Variants in MACROD2 observed in about 807,000 individuals in gnomAD.
The protein encoded by MACROD2 is ADP-ribose glycohydrolase MACROD2.
Under a neutral mutation model 70.4 loss-of-function variants are expected in MACROD2, and 36 were observed. The ratio of observed to expected loss-of-function variants is 0.51; its 90% CI spans 0.39 to 0.68. The LOEUF (loss-of-function observed/expected upper bound fraction) is 0.68. Among genes scored for constraint, MACROD2 ranks in the 30% least tolerant of loss-of-function variants. MACROD2 has a pLI of 0.00. For synonymous variants in MACROD2, 172 were observed against 178.8 expected, an observed-to-expected ratio of 0.96 and a Z score of 0.30; for missense variants, 496 against 538.4, an observed-to-expected ratio of 0.92 and a Z score of 0.78.
At chr20:15,272,518 C>G (rs543007688) in intron 6 of MACROD2, among the ~76,000 whole-genome samples, 13 of 152,148 alleles carry the variant, frequency 8.5e-5, no homozygotes, top group Non-Finnish European at 1.6e-4. Context: ...TCAGAACTGT[C>G]TTTTTTGCTA....
chr20:15,611,806 G>C (rs2048973842), intron 8 of MACROD2, among the ~76,000 whole-genome samples: 1 of 149,276 alleles, frequency 6.7e-6, no homozygotes, highest in African/African-American at 2.5e-5. Flanking sequence ...AGCAATTTAA[G>C]CCATTACTAG....
rs372905942 is a variant in MACROD2 at position 15,731,759 on chromosome 20, A to AT, written c.646-130973dup. Among the ~76,000 whole-genome samples the AT allele has an allele frequency of 1.2e-3, 57 of 49,066 alleles. 20 individuals are homozygous for AT. Among genetic ancestry groups the AT allele is most frequent in the East Asian group, 5.0e-3 (16 of 3,200 alleles). The allele number at this position is 49,066 out of a possible 152,430, so 32.2% of individuals were successfully genotyped here. A position where few individuals can be genotyped will look rare whatever the true frequency, so the allele number is the denominator to read the frequency against. On this transcript the variant is annotated intron_variant, in intron 8 of 17. Transcript: ENST00000684519. ...TTGCAGCATTCTTTTTTTTCTTTTT[A>AT]TTTTTTTTTTTTTGAGACGGAGTTT...
chr20:14,821,532 G>T (rs1421222999), intron 5 of MACROD2, among the ~76,000 whole-genome samples: 1 of 152,074 alleles, frequency 6.6e-6, no homozygotes, highest in Non-Finnish European at 1.5e-5. Flanking sequence ...TCAATGTGCA[G>T]TCAAGGCTGA....
At chr20:14,638,644 G>GT (rs1225539598) in intron 4 of MACROD2, among the ~76,000 whole-genome samples, 6 of 152,120 alleles carry the variant, frequency 3.9e-5, no homozygotes, top group African/African-American at 1.2e-4. Flanking sequence ...ACTCCATGAG[G>GT]TTGTTGTAAG....
intron 6 of MACROD2, among the ~76,000 whole-genome samples, chr20:15,371,408 T>C (rs1237032744): frequency 6.6e-6 from 1 of 152,176 alleles, no homozygotes; most frequent in African/African-American, 2.4e-5. Flanking sequence ...AAGTTAACTT[T>C]TCTCTACTTT....
intron 4 of MACROD2, chr20:14,631,805 T>C (rs1984530933): frequency 6.6e-6 from 1 of 152,098 alleles, no homozygotes; most frequent in East Asian, 1.9e-4. Context: ...AAACCAATTA[T>C]ATCTTTAAAT....
intron 5 of MACROD2, among the ~76,000 whole-genome samples, chr20:14,946,598 G>A (rs2074434592): frequency 6.6e-6 from 1 of 151,800 alleles, no homozygotes; most frequent in South Asian, 2.1e-4. Context: ...TTCACTTTAT[G>A]TTGAGATGTT....
At chr20:14,300,899 AT>A (rs1370453650) in intron 3 of MACROD2, among the ~76,000 whole-genome samples, 2 of 152,220 alleles carry the variant, frequency 1.3e-5, no homozygotes, top group Admixed American at 1.3e-4. Flanking sequence ...AAATGTATCC[AT>A]TGTTAATATT....
chr20:15,244,550 T>C (rs1307273296), intron 6 of MACROD2, among the ~76,000 whole-genome samples: 1 of 152,026 alleles, frequency 6.6e-6, no homozygotes, highest in Non-Finnish European at 1.5e-5. Context: ...CCCAGATTGC[T>C]GTTTTTTATG....
At chr20:15,666,168 A>G (rs1010003706) in intron 8 of MACROD2, among the ~76,000 whole-genome samples, 2 of 152,246 alleles carry the variant, frequency 1.3e-5, no homozygotes, top group Non-Finnish European at 2.9e-5. Context: ...CTTGACTGGA[A>G]GTTTCAGAAC....
intron 6 of MACROD2, among the ~76,000 whole-genome samples, chr20:15,306,906 T>C (rs922178932): frequency 1.3e-5 from 2 of 152,240 alleles, no homozygotes; most frequent in South Asian, 2.1e-4. Context: ...TGTCCAAGCA[T>C]GGCAACAGCA....
intron 3 of MACROD2, among the ~76,000 whole-genome samples, chr20:14,209,348 A>C (rs1477319787): frequency 1.3e-5 from 2 of 152,190 alleles, no homozygotes; most frequent in Non-Finnish European, 2.9e-5. Context: ...TTTAGGGAGA[A>C]GAGTTTCAAG....
intron 8 of MACROD2, among the ~76,000 whole-genome samples, chr20:15,727,830 G>T (rs2050887140): frequency 6.6e-6 from 1 of 152,104 alleles, no homozygotes; most frequent in Non-Finnish European, 1.5e-5. Context: ...TTTGGGCAGA[G>T]ACTATGGGGT....
chr20:15,229,019 G>A (rs1482830533), intron 5 of MACROD2, among the ~76,000 whole-genome samples: 2 of 152,124 alleles, frequency 1.3e-5, no homozygotes, highest in Non-Finnish European at 2.9e-5. Context: ...CAATGAAAGG[G>A]ACTAATAATT....
At chr20:15,461,585 A>G (rs1156387326) in intron 7 of MACROD2, among the ~76,000 whole-genome samples, 2 of 152,170 alleles carry the variant, frequency 1.3e-5, no homozygotes, top group African/African-American at 4.8e-5. Context: ...CTATTGGTTT[A>G]TTTTAATACA....
intron 8 of MACROD2, among the ~76,000 whole-genome samples, chr20:15,728,611 C>G (rs1285626664): frequency 6.6e-6 from 1 of 152,064 alleles, no homozygotes; most frequent in Non-Finnish European, 1.5e-5. Flanking sequence ...TCAGTTTCTT[C>G]TTGGTTCCAT....
At chr20:16,036,040 A>T (rs1044105861) in intron 15 of MACROD2, among the ~76,000 whole-genome samples, 1 of 152,000 alleles carries the variant, frequency 6.6e-6, no homozygotes, top group Non-Finnish European at 1.5e-5. Flanking sequence ...ATCTAATCCA[A>T]TTACATTAAT....
At chr20:14,677,071 C>G (rs1291651535) in intron 4 of MACROD2, among the ~76,000 whole-genome samples, 1 of 152,090 alleles carries the variant, frequency 6.6e-6, no homozygotes, top group Non-Finnish European at 1.5e-5. Context: ...CGTTTCTGCT[C>G]AATGCTTTGC....
intron 8 of MACROD2, among the ~76,000 whole-genome samples, chr20:15,684,397 A>G (rs1320176820): frequency 2.0e-5 from 3 of 152,234 alleles, no homozygotes; most frequent in African/African-American, 7.2e-5. Flanking sequence ...GGCTCTTTCA[A>G]ATTGTGAGGG....
Sources: gnomAD v4.1 joint callset for allele counts (sites outside exome capture counted in the v4.1 genomes callset) on GRCh38, gnomAD v4.1.1 for gene constraint, MANE v1.5 for transcripts, NCBI Gene and HGNC (gene_info 2026-07-23, HGNC 2026-07-21) for gene names.